DMD: variants seen among roughly 807,000 people sequenced by gnomAD.
The protein encoded by DMD is dystrophin, also known as mutant dystrophin.
DMD carries 63 observed loss-of-function variants against 330.1 expected under a neutral mutation model. The ratio of observed to expected loss-of-function variants is 0.19; its 90% confidence interval spans 0.16 to 0.24. The LOEUF (loss-of-function observed/expected upper bound fraction) is 0.24, where lower values mean the gene tolerates loss of function less well. Among genes scored for constraint, DMD ranks in the 10% least tolerant of loss-of-function variants. The pLI is 1.00. For synonymous variants in DMD, 1,223 were observed against 959.8 expected, an observed-to-expected ratio of 1.27 and a Z score of -5.07; for missense variants, 3,344 against 2,684.1, an observed-to-expected ratio of 1.25 and a Z score of -5.43.
intron 2 of DMD, among the ~76,000 whole-genome samples, chrX:32,960,847 A>T (rs1173400086): frequency 9.2e-6 from 1 of 108,475 alleles, no homozygotes; most frequent in African/African-American, 3.4e-5. Flanking sequence ...TCATATAGAT[A>T]AAACCGTGCA....
chrX:32,597,530 C>G (rs2055698606), intron 12 of DMD, among the ~76,000 whole-genome samples: 1 of 111,662 alleles, frequency 9.0e-6, no homozygotes, highest in Non-Finnish European at 1.9e-5. Flanking sequence ...ACACTAACCT[C>G]AACAGAAAAT....
chrX:32,093,608 CT>C (rs1336715196), intron 44 of DMD, among the ~76,000 whole-genome samples: 1 of 111,623 alleles, frequency 9.0e-6, no homozygotes, highest in Non-Finnish European at 1.9e-5. Context: ...ATAAAACATA[CT>C]GAAATCTTTG....
At chrX:31,321,497 T>C (rs998077791) in intron 62 of DMD, among the ~76,000 whole-genome samples, 3 of 102,260 alleles carry the variant, frequency 2.9e-5, no homozygotes, top group Non-Finnish European at 3.9e-5. Context: ...GACGAAAGAA[T>C]TGCTTGAACC....
At chrX:31,814,039 G>GTTGT (rs368929108) in intron 50 of DMD, among the ~76,000 whole-genome samples, 120 of 110,861 alleles carry the variant, frequency 1.1e-3, no homozygotes, top group African/African-American at 3.5e-3. Context: ...GAAACAGTCT[G>GTTGT]TTGATCCCTT....
intron 59 of DMD, among the ~76,000 whole-genome samples, chrX:31,472,588 C>T (rs766970889): frequency 8.9e-6 from 1 of 111,956 alleles, no homozygotes; most frequent in Non-Finnish European, 1.9e-5. Flanking sequence ...TCTAACATAG[C>T]GTTTCTTTGA....
chrX:32,113,818 C>T (rs973791490), intron 44 of DMD, among the ~76,000 whole-genome samples: 1 of 111,729 alleles, frequency 9.0e-6, no homozygotes, highest in Non-Finnish European at 1.9e-5. Context: ...TCATTCCTAC[C>T]TCTCAGACAC....
At chrX:31,820,177 T>C (rs1763163404) in intron 49 of DMD, 94 bp from the exon 50 acceptor site, 1 of 740,695 alleles carries the variant, frequency 1.4e-6, no homozygotes, top group African/African-American at 2.1e-5. Flanking sequence ...TATTATTGGA[T>C]TTCTATTATA....
chrX:32,760,990 T>C (rs2072206903), intron 7 of DMD, among the ~76,000 whole-genome samples: 1 of 109,729 alleles, frequency 9.1e-6, no homozygotes, highest in Non-Finnish European at 1.9e-5. Context: ...GGCCTTTCTC[T>C]AAAATATAGC....
At chrX:31,752,887 AT>A (rs2088712930) in intron 51 of DMD, among the ~76,000 whole-genome samples, 1 of 111,533 alleles carries the variant, frequency 9.0e-6, no homozygotes, top group Non-Finnish European at 1.9e-5. Context: ...TACTTTTTGA[AT>A]TCTTTTCTCT....
chrX:32,741,458 C>A (rs954413511), intron 7 of DMD, among the ~76,000 whole-genome samples: 24 of 111,513 alleles, frequency 2.2e-4, no homozygotes, highest in African/African-American at 7.5e-4. Context: ...ACTTTAGGAG[C>A]CAGACTTGGC....
chrX:32,262,157 T>A (rs999797839), intron 43 of DMD, among the ~76,000 whole-genome samples: 73 of 112,003 alleles, frequency 6.5e-4, no homozygotes, highest in Non-Finnish European at 1.2e-3. Context: ...AATTACAATG[T>A]TTTTATTGAC....
rs1034234722 is a variant in DMD, at chrX:31,621,825, A to T, written c.8217+5848T>A. Among the ~76,000 whole-genome samples, 28 of 111,899 alleles carry T rather than the reference A, an allele frequency of 2.5e-4. 1 individual carries two copies. On this transcript the variant is annotated intron_variant, in intron 55 of 78. Transcript: ENST00000357033. ...CCATACCCCAGCCAAGTTCCTTCAG[A>T]TTCTCACACTACCACACTGACTAAG...
intron 47 of DMD, among the ~76,000 whole-genome samples, chrX:31,926,661 G>A (rs1238843360): frequency 9.1e-6 from 1 of 109,614 alleles, no homozygotes; most frequent in African/African-American, 3.3e-5. Context: ...GGATGACAAA[G>A]CGAGACTCTG....
intron 19 of DMD, among the ~76,000 whole-genome samples, chrX:32,496,743 G>C (rs1183272582): frequency 8.9e-6 from 1 of 112,664 alleles, no homozygotes; most frequent in African/African-American, 3.2e-5. Flanking sequence ...TTGGAGATTA[G>C]ACTTAAACGA....
At position 33,183,858 on chromosome X, in the gene DMD, GTTTAA is replaced by G. The variant is rs1396327388; in HGVS notation, c.31+27419_31+27423del. Among the ~76,000 whole-genome samples the G allele has an allele frequency of 8.1e-5, 9 of 111,219 alleles. No individual in the cohort carries two copies. The Admixed American group carries it at 8.7e-4, about 11-fold the overall frequency. On this transcript the variant is annotated intron_variant, in intron 1 of 78. Coordinates refer to ENST00000357033, the MANE Select transcript of DMD (RefSeq NM_004006.3). Reference sequence around the variant, plus strand: ...TGCTTCTATAAAGAAAGCAGTGTGGGTTTAATTTGTTTATAATCTGTCCTTCATTT... The same window carrying G: ...TGCTTCTATAAAGAAAGCAGTGTGGGTTTGTTTATAATCTGTCCTTCATTT...
chrX:32,295,775 A>G (rs1458777901), intron 42 of DMD, among the ~76,000 whole-genome samples: 1 of 112,129 alleles, frequency 8.9e-6, no homozygotes, highest in African/African-American at 3.2e-5. Context: ...ATTCTTTATC[A>G]TAAGGGATAG....
intron 16 of DMD, among the ~76,000 whole-genome samples, chrX:32,548,780 A>T (rs1319305624): frequency 1.8e-5 from 2 of 111,528 alleles, no homozygotes; most frequent in Non-Finnish European, 3.8e-5. Context: ...TAAATCTATC[A>T]TTTCTATTTA....
chrX:31,912,308 C>T (rs920713475), intron 47 of DMD, among the ~76,000 whole-genome samples: 1 of 111,252 alleles, frequency 9.0e-6, no homozygotes. Context: ...AACGCCCGAC[C>T]GCACGTCGCA....
intron 5 of DMD, among the ~76,000 whole-genome samples, chrX:32,819,762 A>C (rs1295752726): frequency 2.7e-5 from 3 of 109,250 alleles, no homozygotes; most frequent in African/African-American, 1.0e-4. Flanking sequence ...TAGAATGTAC[A>C]TTAAGTTGAC....
Sources: allele counts gnomAD v4.1 joint callset (sites outside exome capture counted in the v4.1 genomes callset), GRCh38; gene constraint gnomAD v4.1.1; transcripts MANE v1.5; gene names NCBI Gene and HGNC (gene_info 2026-07-23, HGNC 2026-07-21).